COMMD6: variants seen among roughly 807,000 people sequenced by gnomAD.
The protein encoded by COMMD6 is COMM domain containing 6, also known as COMM domain-containing protein 6.
A neutral mutation model predicts 13.4 loss-of-function variants in COMMD6; 11 were observed. The observed-to-expected ratio is 0.82, with a 90% CI of 0.52 to 1.36. The LOEUF (loss-of-function observed/expected upper bound fraction) is 1.36. COMMD6 is among the 40% of genes most tolerant of loss of function. COMMD6 has a pLI of 0.00. For synonymous variants in COMMD6, 43 were observed against 36.5 expected, an observed-to-expected ratio of 1.18 and a Z score of -0.64; for missense variants, 124 against 102.4, an observed-to-expected ratio of 1.21 and a Z score of -0.91.
chr13:75,539,816 A>G (rs932891834), upstream of COMMD6, among the ~76,000 whole-genome samples: 1 of 152,140 alleles, frequency 6.6e-6, no homozygotes, highest in Non-Finnish European at 1.5e-5. Flanking sequence ...CCACTGACTC[A>G]AGGTTATTGG....
chr13:75,529,258 C>T (rs772745813), intron 3 of COMMD6, among the ~76,000 whole-genome samples: 15 of 152,132 alleles, frequency 9.9e-5, no homozygotes, highest in East Asian at 3.9e-4. Flanking sequence ...CGGTGGCTCA[C>T]GCCTGTAATC....
intron 2 of COMMD6, among the ~76,000 whole-genome samples, chr13:75,532,919 A>C (rs186305089): frequency 6.6e-6 from 1 of 151,616 alleles, no homozygotes; most frequent in African/African-American, 2.4e-5. Context: ...CAACTCACTG[A>C]AAGTTTTTGT....
At chr13:75,534,168 T>C (rs1453808203) in intron 2 of COMMD6, among the ~76,000 whole-genome samples, 1 of 152,182 alleles carries the variant, frequency 6.6e-6, no homozygotes, top group African/African-American at 2.4e-5. Flanking sequence ...TACAACTCCT[T>C]GATGGAAGAA....
At chr13:75,542,508 C>G (rs553276781), upstream of COMMD6, among the ~76,000 whole-genome samples, 13 of 152,116 alleles carry the variant, frequency 8.5e-5, no homozygotes, top group Non-Finnish European at 1.8e-4. Context: ...AGTCTGGTCT[C>G]GAACTCCTGA....
In COMMD6 at chr13:75,525,489, G is replaced by C. The variant is rs2030211174; in HGVS notation, c.*1100C>G. On this transcript the variant is annotated 3_prime_UTR_variant, in exon 4 of 4. Transcript: ENST00000682242. The stretch of plus-strand genomic sequence containing the variant: ...CTGGTTGTGGGAGGGAGAGAGAAGG[G>C]ATCTTTGGTTTCTCCTAATTCTAGA... The C allele has an allele frequency of 6.6e-6, 1 of 152,256 alleles. No homozygotes were observed. The highest frequency in any genetic ancestry group is 1.5e-5 in the Non-Finnish European group (1 of 68,068). The allele number at this position is 152,256 out of a possible 1,614,324, so 9.4% of individuals were successfully genotyped here.
chr13:75,532,936 T>G (rs1230417601), intron 2 of COMMD6, among the ~76,000 whole-genome samples: 2 of 150,714 alleles, frequency 1.3e-5, no homozygotes, highest in African/African-American at 2.4e-5. Context: ...TTGTTTTGTT[T>G]TTTTTTTTTT....
upstream of COMMD6, chr13:75,538,939 T>A (rs2030772945): frequency 6.6e-6 from 1 of 152,276 alleles, no homozygotes; most frequent in Non-Finnish European, 1.5e-5. Flanking sequence ...CAATTCAGGT[T>A]GTTGGCAGAG....
At chr13:75,535,849 T>C (rs1424968503) in intron 2 of COMMD6, among the ~76,000 whole-genome samples, 1 of 152,194 alleles carries the variant, frequency 6.6e-6, no homozygotes, top group African/African-American at 2.4e-5. Flanking sequence ...TTCATAAAAC[T>C]TTTAAATATC....
intron 1 of COMMD6, among the ~76,000 whole-genome samples, chr13:75,548,281 G>A (rs551158525): frequency 6.6e-6 from 1 of 152,224 alleles, no homozygotes; most frequent in Non-Finnish European, 1.5e-5. Flanking sequence ...AAAGTGTTAG[G>A]TGAGTATAGC....
intron 2 of COMMD6, 75 bp from the exon 3 acceptor site, chr13:75,530,341 G>A: frequency 1.7e-6 from 2 of 1,202,430 alleles, no homozygotes; most frequent in South Asian, 2.9e-5. Context: ...CAATTTTACT[G>A]CAGTTACACT....
At chr13:75,542,146 G>T (rs369710593), upstream of COMMD6, among the ~76,000 whole-genome samples, 1 of 152,182 alleles carries the variant, frequency 6.6e-6, no homozygotes, top group African/African-American at 2.4e-5. Context: ...AGTATTTTTT[G>T]TGTAAGGGTG....
rs1356023820 is a variant in COMMD6 at position 75,537,820 on chromosome 13, A to G, written c.-15T>C. 1.3e-6 allele frequency: 2 copies of G among 1,591,502 alleles called. No individual in the cohort carries two copies. The highest frequency in any genetic ancestry group is 1.7e-6 in the Non-Finnish European group (2 of 1,166,540). On this transcript the variant is annotated 5_prime_UTR_variant, in exon 1 of 4. Coordinates refer to ENST00000682242, the MANE Select transcript of COMMD6 (RefSeq NM_203495.4). ...GACGCCTCCATGGGCAGCGTCTGGG[A>G]CTTGCGGCCCGGACTCGAGAGAACG...
rs1481463141 is a variant in COMMD6 at position 75,525,424 on chromosome 13, T to C, written c.*1165A>G. On this transcript the variant is annotated 3_prime_UTR_variant, in exon 4 of 4. Transcript: ENST00000682242. Reference sequence around the variant, plus strand: ...GGCAGGTTTGCTGTTTTAACCCAGATAGAGGGGTTTCTACTCTTATTTCTA... The same window carrying C: ...GGCAGGTTTGCTGTTTTAACCCAGACAGAGGGGTTTCTACTCTTATTTCTA... 2 of 152,190 alleles carry C rather than the reference T, an allele frequency of 1.3e-5. No individual in the cohort carries two copies. The highest frequency in any genetic ancestry group is 1.3e-4 in the Admixed American group (2 of 15,286). 9.4% of individuals were successfully genotyped at this position (152,190 alleles called of 1,614,324 possible).
chr13:75,530,410 T>C (rs1283450364), intron 2 of COMMD6, 144 bp from the exon 3 acceptor site: 2 of 544,724 alleles, frequency 3.7e-6, no homozygotes, highest in Non-Finnish European at 6.3e-6. Context: ...TTAATACTGC[T>C]AGAGGAACAA....
chr13:75,533,906 T>C (rs1180212760), intron 2 of COMMD6, among the ~76,000 whole-genome samples: 3 of 152,216 alleles, frequency 2.0e-5, no homozygotes, highest in South Asian at 4.1e-4. Flanking sequence ...GGAGAGTTCA[T>C]GAGTAGAGAG....
upstream of COMMD6, among the ~76,000 whole-genome samples, chr13:75,543,021 G>A (rs2030850394): frequency 6.6e-6 from 1 of 152,228 alleles, no homozygotes; most frequent in African/African-American, 2.4e-5. Context: ...ACAAAATCAT[G>A]TCCTTTGCAG....
chr13:75,541,658 AAG>A (rs903926132), upstream of COMMD6, among the ~76,000 whole-genome samples: 10 of 152,182 alleles, frequency 6.6e-5, no homozygotes, highest in East Asian at 1.4e-3. Context: ...CTGGAAGTAA[AAG>A]GGGTGAAAAG....
intron 2 of COMMD6, among the ~76,000 whole-genome samples, chr13:75,532,764 T>C (rs1410513181): frequency 6.6e-6 from 1 of 152,142 alleles, no homozygotes; most frequent in Non-Finnish European, 1.5e-5. Flanking sequence ...ATATGAAAAA[T>C]AAAGTTGACA....
intron 2 of COMMD6, among the ~76,000 whole-genome samples, chr13:75,530,828 A>G (rs912013804): frequency 1.3e-5 from 2 of 152,208 alleles, no homozygotes; most frequent in Non-Finnish European, 2.9e-5. Flanking sequence ...AAAGTCACAC[A>G]TTTCTGGAAT....
Sources: gnomAD v4.1 joint callset for allele counts (sites outside exome capture counted in the v4.1 genomes callset) on GRCh38, gnomAD v4.1.1 for gene constraint, MANE v1.5 for transcripts, NCBI Gene and HGNC (gene_info 2026-07-23, HGNC 2026-07-21) for gene names.